The following ERC2 variants were observed in gnomAD, a reference collection of about 807,000 sequenced individuals.
ERC2 encodes the protein ERC protein 2.
In ERC2, 42 loss-of-function variants were observed where a neutral mutation model predicts 114.8. The observed-to-expected ratio is 0.37, with a 90% confidence interval of 0.29 to 0.47. The LOEUF (loss-of-function observed/expected upper bound fraction) is 0.47, where lower values mean the gene tolerates loss of function less well. ERC2 is among the 20% of genes least tolerant of loss of function. The probability of loss-of-function intolerance (pLI) is 0.99; values close to 1 mark genes in which losing one functional copy is unlikely to be tolerated. For synonymous variants in ERC2, 454 were observed against 425.5 expected, an observed-to-expected ratio of 1.07 and a Z score of -0.82; for missense variants, 939 against 1,150.7, an observed-to-expected ratio of 0.82 and a Z score of 2.66.
At chr3:56,057,053 T>C (rs1208317046) in intron 7 of ERC2, among the ~76,000 whole-genome samples, 1 of 152,128 alleles carries the variant, frequency 6.6e-6, no homozygotes, top group Non-Finnish European at 1.5e-5. Context: ...CTTTTCTTCC[T>C]CCCATTTCCC....
intron 2 of ERC2, among the ~76,000 whole-genome samples, chr3:56,311,239 C>A (rs1342346571): frequency 4.8e-3 from 80 of 16,790 alleles, no homozygotes; most frequent in Admixed American, 0.017. Context: ...TCTTCTCTCT[C>A]TCTCTCTCTC....
intron 2 of ERC2, among the ~76,000 whole-genome samples, chr3:56,307,374 G>A (rs1322335618): frequency 6.6e-6 from 1 of 152,208 alleles, no homozygotes; most frequent in Non-Finnish European, 1.5e-5. Flanking sequence ...TTACAGTGTA[G>A]GGAGGAAAGT....
chr3:55,756,967 C>T (rs1242392412), intron 14 of ERC2, among the ~76,000 whole-genome samples: 1 of 152,148 alleles, frequency 6.6e-6, no homozygotes, highest in South Asian at 2.1e-4. Flanking sequence ...TATGCTTCTA[C>T]CTTTTCAAAT....
chr3:56,331,202 A>G (rs564753052), intron 2 of ERC2, among the ~76,000 whole-genome samples: 2 of 152,180 alleles, frequency 1.3e-5, no homozygotes, highest in Non-Finnish European at 2.9e-5. Flanking sequence ...TTTAGAGAGA[A>G]TCCCCTACCC....
rs550400539 is a variant in ERC2 at position 56,329,210 on chromosome 3, T to C, written c.658-32775A>G. Among the ~76,000 whole-genome samples the C allele has an allele frequency of 7.9e-5, 12 of 152,338 alleles. 1 individual carries two copies. The highest frequency in any genetic ancestry group is 2.9e-4 in the African/African-American group (12 of 41,588). ...AGATTTTGTTATAAATGGCCTAAAT[T>C]ATAAATTTGTTTTGGAGGAGGGTTA... On this transcript the variant is annotated intron_variant, in intron 2 of 17. Transcript: ENST00000288221.
intron 2 of ERC2, among the ~76,000 whole-genome samples, chr3:56,381,611 CAA>C (rs893720761): frequency 6.7e-6 from 1 of 150,156 alleles, no homozygotes; most frequent in Non-Finnish European, 1.5e-5. Context: ...CTTAGTGTCT[CAA>C]AGATCAACTT....
At chr3:56,047,771 C>T (rs1394992719) in intron 7 of ERC2, among the ~76,000 whole-genome samples, 1 of 152,152 alleles carries the variant, frequency 6.6e-6, no homozygotes, top group African/African-American at 2.4e-5. Context: ...CAGGCTCTCC[C>T]GTAGATTTCC....
intron 16 of ERC2, among the ~76,000 whole-genome samples, chr3:55,688,595 C>A (rs1576143620): frequency 1.3e-5 from 2 of 152,132 alleles, no homozygotes; most frequent in African/African-American, 2.4e-5. Flanking sequence ...CTGTTGAAGA[C>A]CATGGTTGGA....
At chr3:55,607,490 C>A (rs2058688897) in intron 17 of ERC2, among the ~76,000 whole-genome samples, 1 of 152,128 alleles carries the variant, frequency 6.6e-6, no homozygotes, top group Admixed American at 6.5e-5. Flanking sequence ...CCAGAGCACC[C>A]AGATTTGGAG....
At chr3:56,381,326 T>C (rs2059742738) in intron 2 of ERC2, among the ~76,000 whole-genome samples, 1 of 152,160 alleles carries the variant, frequency 6.6e-6, no homozygotes, top group South Asian at 2.1e-4. Flanking sequence ...AGGGGATTGG[T>C]TCCAAGACCC....
At chr3:55,844,341 A>C (rs2061263584) in intron 14 of ERC2, among the ~76,000 whole-genome samples, 1 of 152,252 alleles carries the variant, frequency 6.6e-6, no homozygotes, top group Non-Finnish European at 1.5e-5. Flanking sequence ...AACATTATAT[A>C]ATTGAAGAAT....
At chr3:55,787,105 G>A (rs188992608) in intron 14 of ERC2, among the ~76,000 whole-genome samples, 1 of 152,262 alleles carries the variant, frequency 6.6e-6, no homozygotes, top group Admixed American at 6.5e-5. Flanking sequence ...TTACTCATCT[G>A]TAAGAAAAGA....
intron 17 of ERC2, among the ~76,000 whole-genome samples, chr3:55,571,224 A>G (rs1310064668): frequency 6.6e-6 from 1 of 151,918 alleles, no homozygotes; most frequent in Admixed American, 6.6e-5. Context: ...TTTGTGCACA[A>G]CTGTGCTCCT....
chr3:55,530,584 T>C (rs1045945405), intron 17 of ERC2, among the ~76,000 whole-genome samples: 5 of 152,166 alleles, frequency 3.3e-5, no homozygotes, highest in African/African-American at 1.2e-4. Context: ...TCTCCTATGG[T>C]TGGAGCCTAC....
intron 6 of ERC2, among the ~76,000 whole-genome samples, chr3:56,108,690 T>C (rs980611281): frequency 1.3e-5 from 2 of 152,132 alleles, no homozygotes; most frequent in Non-Finnish European, 2.9e-5. Context: ...AGATGATTCT[T>C]TTTAAAAATA....
At chr3:56,465,092 T>A (rs2107592161) in intron 1 of ERC2, among the ~76,000 whole-genome samples, 1 of 152,296 alleles carries the variant, frequency 6.6e-6, no homozygotes. Context: ...ATCTTGTAGC[T>A]TTTCCAACAT....
At chr3:55,987,406 T>C (rs2070721489) in intron 11 of ERC2, among the ~76,000 whole-genome samples, 1 of 152,230 alleles carries the variant, frequency 6.6e-6, no homozygotes, top group Non-Finnish European at 1.5e-5. Flanking sequence ...TTCATCAAAT[T>C]CTCAAAGGTG....
At chr3:56,007,445 T>G in intron 9 of ERC2, 124 bp from the exon 10 acceptor site, 1 of 892,898 alleles carries the variant, frequency 1.1e-6, no homozygotes, top group Non-Finnish European at 1.7e-6. Context: ...GTAAATATAA[T>G]CTTACTAAGG....
At chr3:56,144,207 A>G (rs1459360321) in intron 5 of ERC2, among the ~76,000 whole-genome samples, 1 of 152,224 alleles carries the variant, frequency 6.6e-6, no homozygotes, top group Non-Finnish European at 1.5e-5. Context: ...ATTTCTTTAT[A>G]ATTTAATGAA....
Sources: gnomAD v4.1 joint callset for allele counts (sites outside exome capture counted in the v4.1 genomes callset) on GRCh38, gnomAD v4.1.1 for gene constraint, MANE v1.5 for transcripts, NCBI Gene and HGNC (gene_info 2026-07-23, HGNC 2026-07-21) for gene names.